The following PLCL1 variants were observed in gnomAD, a reference collection of about 807,000 sequenced individuals.
The protein encoded by PLCL1 is inactive phospholipase C-like protein 1.
In PLCL1, 41 loss-of-function variants were observed where a neutral mutation model predicts 84.4. The observed-to-expected ratio is 0.49, with a 90% CI of 0.38 to 0.63. PLCL1 has a LOEUF of 0.63. PLCL1 is among the 30% of genes least tolerant of loss of function. The probability of loss-of-function intolerance (pLI) is 0.00; values close to 1 mark genes in which losing one functional copy is unlikely to be tolerated. For synonymous variants in PLCL1, 490 were observed against 488.3 expected, an observed-to-expected ratio of 1.00 and a Z score of -0.05; for missense variants, 1,206 against 1,367.8, an observed-to-expected ratio of 0.88 and a Z score of 1.87.
At chr2:197,930,989 G>A (rs533985565) in intron 1 of PLCL1, among the ~76,000 whole-genome samples, 93 of 152,244 alleles carry the variant, frequency 6.1e-4, no homozygotes, top group African/African-American at 2.1e-3. Flanking sequence ...AATGAGCAGG[G>A]GCTGTGGACA....
rs1690431141 is a variant in PLCL1 at position 197,804,869 on chromosome 2, C to T, written c.-231C>T. 7.1e-6 allele frequency: 3 copies of T among 421,732 alleles called. No homozygotes were observed. Among genetic ancestry groups the T allele is most frequent in the African/African-American group, 6.3e-5 (3 of 47,794 alleles). 26.1% of individuals were successfully genotyped at this position (421,732 alleles called of 1,614,324 possible). ...CCTCCCCACTCCCGCCACCGTCCCC[C>T]GCCGGACTGCTAGCCTCCTAGACCG... is the stretch of plus-strand genomic sequence containing the variant. On this transcript the variant is annotated 5_prime_UTR_variant, in exon 1 of 6. Coordinates refer to ENST00000428675, the MANE Select transcript of PLCL1 (RefSeq NM_006226.4).
At position 198,044,109 on chromosome 2, in the gene PLCL1, T is replaced by C. The variant is rs906867963; in HGVS notation, c.241-39649T>C. 2.6e-5 allele frequency among the ~76,000 whole-genome samples: 4 copies of C among 152,188 alleles called. No homozygotes were observed. In the South Asian group the frequency reaches 8.3e-4, roughly 32 times the overall value. On this transcript the variant is annotated intron_variant, in intron 1 of 5. Coordinates refer to ENST00000428675, the MANE Select transcript of PLCL1 (RefSeq NM_006226.4). ...GTGCATTATTTACTTATAAATAAAA[T>C]TGAGGCCAAGTATAAATAAGGTACA...
chr2:198,116,873 TTGAG>T (rs1377860861), intron 5 of PLCL1, among the ~76,000 whole-genome samples: 8 of 151,902 alleles, frequency 5.3e-5, no homozygotes, highest in African/African-American at 1.9e-4. Context: ...GCTAAAGTCT[TTGAG>T]TGTTTATTTA....
intron 1 of PLCL1, among the ~76,000 whole-genome samples, chr2:197,809,166 T>G (rs901323939): frequency 6.6e-6 from 1 of 152,218 alleles, no homozygotes; most frequent in Non-Finnish European, 1.5e-5. Context: ...CAGTTCACAT[T>G]AAGTGCCTAC....
intron 5 of PLCL1, among the ~76,000 whole-genome samples, chr2:198,120,633 TG>T (rs976004466): frequency 6.6e-6 from 1 of 152,082 alleles, no homozygotes; most frequent in Non-Finnish European, 1.5e-5. Context: ...CCATCCATGT[TG>T]TTGCAAATGA....
chr2:198,105,098 A>G (rs906131043), intron 5 of PLCL1, among the ~76,000 whole-genome samples: 9 of 152,024 alleles, frequency 5.9e-5, no homozygotes, highest in Non-Finnish European at 1.2e-4. Context: ...ATTAGGTCCT[A>G]TGTCCAGAAT....
chr2:198,130,298 A>C (rs1291137679), intron 5 of PLCL1, among the ~76,000 whole-genome samples: 1 of 152,090 alleles, frequency 6.6e-6, no homozygotes, highest in African/African-American at 2.4e-5. Context: ...TTCTTCCCAG[A>C]ATCGTTTGCA....
Position 198,039,824 on chromosome 2 carries a change from T to C in PLCL1, c.241-43934T>C, listed in dbSNP as rs563039579. Among the ~76,000 whole-genome samples the C allele has an allele frequency of 5.3e-5, 8 of 152,332 alleles. No homozygotes were observed. In the East Asian group the frequency reaches 1.5e-3, roughly 29 times the overall value. On this transcript the variant is annotated intron_variant, in intron 1 of 5. Transcript: ENST00000428675. Reference sequence around the variant, plus strand: ...TGAGAACTAGAGATGTTAAGCTAGATGAGATAGTTCTCTGCAAGATTGGTC... The same window carrying C: ...TGAGAACTAGAGATGTTAAGCTAGACGAGATAGTTCTCTGCAAGATTGGTC...
chr2:197,913,775 A>G (rs1022185149), intron 1 of PLCL1, among the ~76,000 whole-genome samples: 1 of 152,176 alleles, frequency 6.6e-6, no homozygotes, highest in Admixed American at 6.5e-5. Flanking sequence ...CTCCAAACCT[A>G]TGGTTGGACA....
At chr2:198,002,920 A>T (rs192721020) in intron 1 of PLCL1, among the ~76,000 whole-genome samples, 1 of 152,330 alleles carries the variant, frequency 6.6e-6, no homozygotes, top group East Asian at 1.9e-4. Flanking sequence ...CATCCTGCTT[A>T]AGGGAAGCCC....
At chr2:198,130,731 C>G (rs1694099683) in intron 5 of PLCL1, among the ~76,000 whole-genome samples, 1 of 152,096 alleles carries the variant, frequency 6.6e-6, no homozygotes, top group Non-Finnish European at 1.5e-5. Flanking sequence ...TTTCTTAACT[C>G]TCCACCTCTA....
At chr2:198,054,225 A>C (rs980677220) in intron 1 of PLCL1, among the ~76,000 whole-genome samples, 3 of 152,262 alleles carry the variant, frequency 2.0e-5, no homozygotes, top group Admixed American at 2.0e-4. Flanking sequence ...ACATAGGTGT[A>C]AAAGTATAAT....
chr2:198,080,267 A>G (rs1486312089), intron 1 of PLCL1, among the ~76,000 whole-genome samples: 23 of 152,202 alleles, frequency 1.5e-4, no homozygotes, highest in Non-Finnish European at 8.8e-5. Context: ...GTATAGTTGA[A>G]TTGTGTTAAG....
chr2:197,920,841 C>T (rs1325179767), intron 1 of PLCL1, among the ~76,000 whole-genome samples: 4 of 152,128 alleles, frequency 2.6e-5, no homozygotes, highest in African/African-American at 7.2e-5. Context: ...GAAAGCCTTT[C>T]GTATTTTGAT....
At chr2:197,951,289 A>C (rs1318297940) in intron 1 of PLCL1, among the ~76,000 whole-genome samples, 3 of 151,960 alleles carry the variant, frequency 2.0e-5, no homozygotes, top group Non-Finnish European at 2.9e-5. Context: ...TGGCAACAGC[A>C]CTCTCTTCCC....
intron 1 of PLCL1, among the ~76,000 whole-genome samples, chr2:197,903,609 G>C (rs1171243659): frequency 7.1e-6 from 1 of 141,778 alleles, no homozygotes; most frequent in Non-Finnish European, 1.5e-5. Context: ...TCAGTCTCCT[G>C]AGTAGCCGGG....
At chr2:197,969,780 T>C (rs1224250576) in intron 1 of PLCL1, among the ~76,000 whole-genome samples, 1 of 152,222 alleles carries the variant, frequency 6.6e-6, no homozygotes, top group Non-Finnish European at 1.5e-5. Context: ...GGTGAAATCA[T>C]TTAATAGCCA....
chr2:197,812,041 C>T (rs1456877263), intron 1 of PLCL1, among the ~76,000 whole-genome samples: 8 of 152,136 alleles, frequency 5.3e-5, no homozygotes, highest in Admixed American at 1.3e-4. Flanking sequence ...GTTTAGCTAC[C>T]ACTTACAAGT....
chr2:198,069,979 T>C (rs138788196), intron 1 of PLCL1, among the ~76,000 whole-genome samples: 1 of 152,270 alleles, frequency 6.6e-6, no homozygotes, highest in East Asian at 1.9e-4. Flanking sequence ...ATGTATACTT[T>C]CTGAAGATTT....
Sources: gnomAD v4.1 joint callset for allele counts (sites outside exome capture counted in the v4.1 genomes callset) on GRCh38, gnomAD v4.1.1 for gene constraint, MANE v1.5 for transcripts, NCBI Gene and HGNC (gene_info 2026-07-23, HGNC 2026-07-21) for gene names.